The following CDH13 variants were observed in gnomAD, a reference collection of about 807,000 sequenced individuals.
The protein encoded by CDH13 is cadherin 13, also known as cadherin-13.
A neutral mutation model predicts 63.8 loss-of-function variants in CDH13; 24 were observed. That is an observed-to-expected ratio of 0.38 (90% CI 0.27 to 0.53). The LOEUF (loss-of-function observed/expected upper bound fraction) is 0.53. Among genes scored for constraint, CDH13 ranks in the 20% least tolerant of loss-of-function variants. The probability of loss-of-function intolerance (pLI) is 0.85; values close to 1 mark genes in which losing one functional copy is unlikely to be tolerated. For missense variants in CDH13, 1,049 were observed against 903.1 expected, an observed-to-expected ratio of 1.16 and a Z score of -2.07; for synonymous variants, 503 against 355.3, an observed-to-expected ratio of 1.42 and a Z score of -4.67.
At chr16:83,785,319 G>A (rs77034740) in intron 13 of CDH13, among the ~76,000 whole-genome samples, 2,306 of 152,220 alleles carry the variant, frequency 0.015, 39 homozygotes, top group African/African-American at 0.04. Context: ...CACATATGGC[G>A]CCTTCTCCCT....
At chr16:82,867,513 A>T (rs1474600113) in intron 2 of CDH13, among the ~76,000 whole-genome samples, 1 of 152,114 alleles carries the variant, frequency 6.6e-6, no homozygotes, top group Non-Finnish European at 1.5e-5. Flanking sequence ...CCTCTCTGTT[A>T]GTTTCTTTCA....
At chr16:82,745,135 G>A (rs945342028) in intron 1 of CDH13, among the ~76,000 whole-genome samples, 1 of 152,058 alleles carries the variant, frequency 6.6e-6, no homozygotes, top group Admixed American at 6.6e-5. Context: ...CACTTTAAAG[G>A]CTCTGGGAAA....
intron 1 of CDH13, among the ~76,000 whole-genome samples, chr16:82,853,395 A>C (rs2039571034): frequency 1.3e-5 from 2 of 152,248 alleles, no homozygotes. Context: ...ATATGGATTT[A>C]AATATAATAC....
In CDH13 at chr16:83,161,549, G is replaced by C. The variant is rs370100529; in HGVS notation, c.483+36048G>C. On this transcript the variant is annotated intron_variant, in intron 4 of 13. Coordinates refer to ENST00000567109, the MANE Select transcript of CDH13 (RefSeq NM_001257.5). ...TTCAAGCAGTGCAAATACTAAATAA[G>C]CAAATTAAGCATTATGTCTTTTTTT... Among the ~76,000 whole-genome samples, 16 of 152,188 alleles carry C rather than the reference G, an allele frequency of 1.1e-4. No individual in the cohort carries two copies. The East Asian group carries it at 2.9e-3, about 28-fold the overall frequency.
At position 82,668,518 on chromosome 16, in the gene CDH13, TTTG is replaced by T. The variant is rs535521575; in HGVS notation, c.45+41393_45+41395del. 3.6e-3 allele frequency among the ~76,000 whole-genome samples: 547 copies of T among 152,274 alleles called. 5 individuals are homozygous for T. Among genetic ancestry groups the T allele is most frequent in the Middle Eastern group, 0.024 (7 of 294 alleles). ...GGGAAAACCATTAGGGCAATGTTTTTTTGTTGTTGTTGTTTCTTCCTTAAGAAG... is the reference window on the plus strand; with the variant it reads ...GGGAAAACCATTAGGGCAATGTTTTTTTGTTGTTGTTTCTTCCTTAAGAAG... On this transcript the variant is annotated intron_variant, in intron 1 of 13. Transcript: ENST00000567109.
chr16:82,627,337 C>CAT (rs1361611702), intron 1 of CDH13, among the ~76,000 whole-genome samples, 200 bp downstream of exon 1: 1 of 131,184 alleles, frequency 7.6e-6, no homozygotes, highest in African/African-American at 2.8e-5. Context: ...CTCTGGCGTG[C>CAT]GTGTGTGTGT....
chr16:83,511,052 GCA>G (rs753840707), intron 7 of CDH13, among the ~76,000 whole-genome samples: 56 of 119,488 alleles, frequency 4.7e-4, no homozygotes, highest in Admixed American at 2.6e-3. Context: ...ACACGTGTGT[GCA>G]CACACAGACA....
intron 2 of CDH13, among the ~76,000 whole-genome samples, chr16:82,962,283 C>T (rs990305980): frequency 6.6e-6 from 1 of 152,132 alleles, no homozygotes; most frequent in Non-Finnish European, 1.5e-5. Flanking sequence ...TGGCCCCAAG[C>T]CAAGGATTCC....
intron 8 of CDH13, among the ~76,000 whole-genome samples, chr16:83,649,335 A>T (rs1912143051): frequency 1.3e-5 from 2 of 152,178 alleles, no homozygotes; most frequent in Non-Finnish European, 2.9e-5. Flanking sequence ...TACAGTGCTT[A>T]TTTTTGTGCT....
chr16:83,528,944 C>G (rs771709601), intron 7 of CDH13, among the ~76,000 whole-genome samples: 1 of 152,122 alleles, frequency 6.6e-6, no homozygotes, highest in East Asian at 1.9e-4. Flanking sequence ...TGGTCCTGCT[C>G]AGTTACTAAT....
At chr16:82,934,303 AAGCCACAGTCTG>A (rs2042596121) in intron 2 of CDH13, among the ~76,000 whole-genome samples, 1 of 152,166 alleles carries the variant, frequency 6.6e-6, no homozygotes, top group Non-Finnish European at 1.5e-5. Flanking sequence ...GCACCCTCTG[AAGCCACAGTCTG>A]AGCTGTACCT....
chr16:82,846,946 C>G (rs969855036), intron 1 of CDH13, among the ~76,000 whole-genome samples: 1 of 152,080 alleles, frequency 6.6e-6, no homozygotes, highest in Admixed American at 6.5e-5. Context: ...TTATTTATGC[C>G]AAGGAGAGGA....
In CDH13 at chr16:83,795,829, T is replaced by G. The variant is rs1473567572; in HGVS notation, c.*799T>G. On this transcript the variant is annotated 3_prime_UTR_variant, in exon 14 of 14. Coordinates refer to ENST00000567109, the MANE Select transcript of CDH13 (RefSeq NM_001257.5). The stretch of plus-strand genomic sequence containing the variant: ...ATGGGCACCAACCTGCATTTGTATG[T>G]GTCCCGAATCCACAGTCGTACTGAT... 2 of 152,646 alleles carry G rather than the reference T, an allele frequency of 1.3e-5. No individual in the cohort carries two copies. Among genetic ancestry groups the G allele is most frequent in the Non-Finnish European group, 2.9e-5 (2 of 68,044 alleles). 9.5% of individuals were successfully genotyped at this position (152,646 alleles called of 1,614,324 possible).
chr16:82,691,930 T>G (rs1372199827), intron 1 of CDH13, among the ~76,000 whole-genome samples: 2 of 152,082 alleles, frequency 1.3e-5, no homozygotes, highest in Non-Finnish European at 2.9e-5. Flanking sequence ...AACCTGTATT[T>G]TCACAAGGCA....
At chr16:82,903,331 C>G (rs138886960) in intron 2 of CDH13, among the ~76,000 whole-genome samples, 1 of 152,210 alleles carries the variant, frequency 6.6e-6, no homozygotes, top group Non-Finnish European at 1.5e-5. Flanking sequence ...ACCATGCCAT[C>G]TACCTGCACC....
At chr16:83,063,557 A>T (rs540936622) in intron 3 of CDH13, among the ~76,000 whole-genome samples, 3 of 152,318 alleles carry the variant, frequency 2.0e-5, no homozygotes, top group African/African-American at 7.2e-5. Context: ...GATTTAGCTG[A>T]AGATATAGCT....
chr16:83,743,740 T>G (rs997234737), intron 10 of CDH13, among the ~76,000 whole-genome samples: 1 of 95,444 alleles, frequency 1.0e-5, no homozygotes, highest in Non-Finnish European at 2.0e-5. Flanking sequence ...TTGCCTTTTT[T>G]CTTTTTTCTT....
At chr16:83,593,763 C>G (rs946734185) in intron 7 of CDH13, among the ~76,000 whole-genome samples, 1 of 152,074 alleles carries the variant, frequency 6.6e-6, no homozygotes, top group African/African-American at 2.4e-5. Flanking sequence ...ATCTCCCAGG[C>G]AGAGACATAA....
Position 82,707,023 on chromosome 16 carries a change from C to T in CDH13, c.45+79886C>T, listed in dbSNP as rs986254556. Among the ~76,000 whole-genome samples, 10 of 152,302 alleles carry T rather than the reference C, an allele frequency of 6.6e-5. No individual in the cohort carries two copies. The East Asian group carries it at 1.9e-3, about 29-fold the overall frequency. On this transcript the variant is annotated intron_variant, in intron 1 of 13. Coordinates refer to ENST00000567109, the MANE Select transcript of CDH13 (RefSeq NM_001257.5). ...AGGAAAAGGATAGTTAAATCAGGGG[C>T]TGTCACAGAAGCCTCAGATTGGAGG... is the stretch of plus-strand genomic sequence containing the variant.
Sources: gnomAD v4.1 joint callset for allele counts (sites outside exome capture counted in the v4.1 genomes callset) on GRCh38, gnomAD v4.1.1 for gene constraint, MANE v1.5 for transcripts, NCBI Gene and HGNC (gene_info 2026-07-23, HGNC 2026-07-21) for gene names.